The following SGSM2 variants were observed in gnomAD, a reference collection of about 807,000 sequenced individuals.
The protein encoded by SGSM2 is RUN and TBC1 domain containing 1.
A neutral mutation model predicts 126.6 loss-of-function variants in SGSM2; 89 were observed. That is an observed-to-expected ratio of 0.70 (90% CI 0.59 to 0.84). SGSM2 has a LOEUF of 0.84. Among genes scored for constraint, SGSM2 ranks in the 40% least tolerant of loss-of-function variants. SGSM2 has a pLI of 0.00. For missense variants in SGSM2, 1,404 were observed against 1,416.6 expected, an observed-to-expected ratio of 0.99 and a Z score of 0.14; for synonymous variants, 614 against 574.3, an observed-to-expected ratio of 1.07 and a Z score of -0.99.
intron 2 of SGSM2, among the ~76,000 whole-genome samples, chr17:2,356,329 TG>T (rs950726988): frequency 2.7e-4 from 2 of 7,310 alleles, no homozygotes; most frequent in Non-Finnish European, 2.6e-4. Context: ...GTGTAAGAGT[TG>T]GGGGAAGGGA....
At chr17:2,348,983 C>G (rs534483699) in intron 2 of SGSM2, among the ~76,000 whole-genome samples, 9 of 151,738 alleles carry the variant, frequency 5.9e-5, no homozygotes, top group Non-Finnish European at 1.0e-4. Flanking sequence ...AGGCTGGTCT[C>G]AAACTCCTGA....
At chr17:2,352,831 G>A (rs1249871726) in intron 2 of SGSM2, among the ~76,000 whole-genome samples, 3 of 117,496 alleles carry the variant, frequency 2.6e-5, no homozygotes, top group Middle Eastern at 4.8e-3. Flanking sequence ...AGGCTGGAGT[G>A]CAGTGGCGCG....
chr17:2,375,903 C>T (rs1486067519), intron 18 of SGSM2, 28 bp downstream of exon 18: 1 of 1,508,466 alleles, frequency 6.6e-7, no homozygotes, highest in Non-Finnish European at 8.8e-7. Context: ...AGGCTGTTCC[C>T]AGCCGCCCCA....
intron 2 of SGSM2, among the ~76,000 whole-genome samples, chr17:2,354,211 G>GTTTTTTTGTTTGT (rs1555596784): frequency 3.0e-5 from 2 of 66,230 alleles, no homozygotes; most frequent in Middle Eastern, 0.017. Context: ...CTGACCTAGA[G>GTTTTTTTGTTTGT]TTTTTTTGTT....
chr17:2,371,221 G>A, intron 12 of SGSM2, 41 bp from the exon 13 acceptor site: 1 of 1,587,140 alleles, frequency 6.3e-7, no homozygotes, highest in Non-Finnish European at 8.5e-7. Context: ...TGGGAGAGAA[G>A]GTGTCTCAGG....
rs1311566325 is a variant in SGSM2 at position 2,378,901 on chromosome 17, G to GGCCAGC, written c.2900-134_2900-129dup. 2.8e-6 allele frequency: 3 copies of GGCCAGC among 1,067,702 alleles called. No homozygotes were observed. In the Admixed American group the frequency reaches 7.3e-5, roughly 26 times the overall value. The allele number at this position is 1,067,702 out of a possible 1,614,324, so 66.1% of individuals were successfully genotyped here. On this transcript the variant is annotated intron_variant, in intron 22 of 23. Transcript: ENST00000268989. ...TTAGAGGCCTGTGAGCAGCCAGTCC[G>GGCCAGC]GCCAGCATCAGCCCCAGCCCCAGCC...
At chr17:2,365,743 CTT>C (rs946989393) in intron 11 of SGSM2, among the ~76,000 whole-genome samples, 7 of 129,504 alleles carry the variant, frequency 5.4e-5, no homozygotes, top group Non-Finnish European at 6.5e-5. Flanking sequence ...ACCAGCGCTA[CTT>C]TTTTTTTTTT....
chr17:2,365,352 C>A lies in SGSM2; in HGVS notation c.1288+11C>A. On this transcript the variant is annotated intron_variant, in intron 11 of 23. Coordinates refer to ENST00000268989, the MANE Select transcript of SGSM2 (RefSeq NM_014853.3). ...ACAGGCACGAGCACAGTGAGTGTCC[C>A]GAGCTTCATCCCGGGGGAGGAGAGG... 1 of 1,531,998 alleles carries A rather than the reference C, an allele frequency of 6.5e-7. No individual in the cohort carries two copies. Among genetic ancestry groups the A allele is most frequent in the Non-Finnish European group, 8.8e-7 (1 of 1,133,782 alleles). 94.9% of individuals were successfully genotyped at this position (1,531,998 alleles called of 1,614,324 possible). A position where few individuals can be genotyped will look rare whatever the true frequency, so the allele number is the denominator to read the frequency against.
chr17:2,340,758 G>A (rs925381813), intron 1 of SGSM2, among the ~76,000 whole-genome samples: 8 of 151,658 alleles, frequency 5.3e-5, no homozygotes, highest in East Asian at 2.0e-4. Context: ...CTAATTTTTT[G>A]TATTTTTAGT....
rs774371276 is a variant in SGSM2 at position 2,363,525 on chromosome 17, G to A, written c.733G>A (p.Glu245Lys). The change falls in exon 7 of 24, where the codon GAG (glutamate) becomes AAG (lysine). Residue 245 changes from glutamate to lysine, a missense_variant. Glu to Lys is a moderately conservative substitution (Grantham distance 56). Transcript: ENST00000268989. This position sits in a 1 kb window ranked among gnomAD's most constrained non-coding sequence, Gnocchi z 4.2. The part of the protein sequence containing the change: ...SEDRLAACAR[E>K]CVESLHQNSR... ...GGACAGGCTGGCTGCCTGTGCCCGC[G>A]AGTGTGTGGAGTCCCTGCACCAGAA... 29 of 1,613,340 alleles carry A rather than the reference G, an allele frequency of 1.8e-5. No homozygotes were observed. Among genetic ancestry groups the A allele is most frequent in the Non-Finnish European group, 2.3e-5 (27 of 1,179,988 alleles).
At chr17:2,373,569 GCA>G in intron 17 of SGSM2, 56 bp downstream of exon 17, 1 of 1,499,168 alleles carries the variant, frequency 6.7e-7, no homozygotes. Context: ...CGCGTTTTAT[GCA>G]CAGTGGTCCT....
At chr17:2,364,207 C>T (rs766681101) in intron 8 of SGSM2, 24 bp downstream of exon 8, 2 of 1,612,926 alleles carry the variant, frequency 1.2e-6, no homozygotes, top group African/African-American at 2.7e-5. Context: ...GACTCAATCC[C>T]AGGAGCCAGG....
chr17:2,373,578 T>C (rs2065988272), intron 17 of SGSM2, 65 bp downstream of exon 17: 2 of 1,427,828 alleles, frequency 1.4e-6, no homozygotes, highest in Non-Finnish European at 9.5e-7. Context: ...TGCACAGTGG[T>C]CCTGAGCACC....
At chr17:2,340,555 CAT>C (rs1394232755) in intron 1 of SGSM2, among the ~76,000 whole-genome samples, 1 of 151,946 alleles carries the variant, frequency 6.6e-6, no homozygotes, top group Admixed American at 6.6e-5. Flanking sequence ...GCTCTGAACT[CAT>C]GTTTCTCCTT....
Position 2,379,887 on chromosome 17 carries a change from C to A in SGSM2, c.*367C>A. The stretch of plus-strand genomic sequence containing the variant: ...ACAGGATTAACAGGGGCTATAGCGG[C>A]CTGGGCCCTACTCAGCTGGGGTGGC... On this transcript the variant is annotated 3_prime_UTR_variant, in exon 24 of 24. Transcript: ENST00000268989. The A allele has an allele frequency of 1.5e-6, 2 of 1,302,678 alleles. No individual in the cohort carries two copies. Among genetic ancestry groups the A allele is most frequent in the Non-Finnish European group, 2.0e-6 (2 of 1,020,348 alleles). 80.7% of individuals were successfully genotyped at this position (1,302,678 alleles called of 1,614,324 possible).
chr17:2,375,925 G>A (rs2066121170), intron 18 of SGSM2, 50 bp downstream of exon 18: 2 of 1,510,160 alleles, frequency 1.3e-6, no homozygotes, highest in Non-Finnish European at 1.8e-6. Context: ...AGGCCCTCCT[G>A]ACATCCCAGA....
intron 16 of SGSM2, 74 bp from the exon 17 acceptor site, chr17:2,373,257 A>G (rs1436357646): frequency 1.3e-6 from 2 of 1,560,798 alleles, no homozygotes; most frequent in Non-Finnish European, 1.7e-6. Flanking sequence ...CCCAAGGTCC[A>G]GTGCAGGCCC....
chr17:2,338,779 A>ATATATATATATG, intron 1 of SGSM2, among the ~76,000 whole-genome samples: 1 of 149,040 alleles, frequency 6.7e-6, no homozygotes, highest in East Asian at 2.3e-4. Flanking sequence ...TCCCTAATAT[A>ATATATATATATG]TATATATATA....
chr17:2,365,319 C>G lies in SGSM2; in HGVS notation c.1266C>G (p.Tyr422Ter). 6.4e-7 allele frequency: 1 copy of G among 1,571,590 alleles called. No homozygotes were observed. The highest frequency in any genetic ancestry group is 8.6e-7 in the Non-Finnish European group (1 of 1,157,644). Residue 422 changes from tyrosine (Y) to a stop codon, truncating the protein, a stop_gained, in exon 11 of 24, where the codon TAC becomes TAG. Transcript: ENST00000268989. LOFTEE classifies it high-confidence loss of function. ...CCGACTATGTGTTCCGGATCATCTA[C>G]CCCGGCCACAGGCACGAGCACAGTG... Reference protein sequence around the residue: ...RATDYVFRIIYPGHRHEHITI... With the variant: ...RATDYVFRII
Sources: gnomAD v4.1 joint callset for allele counts (sites outside exome capture counted in the v4.1 genomes callset) on GRCh38, gnomAD v4.1.1 for gene constraint, Gnocchi (gnomAD v3.1) non-coding constraint, MANE v1.5 for transcripts, NCBI Gene and HGNC (gene_info 2026-07-23, HGNC 2026-07-21) for gene names.